The following ZMYM4 variants were observed in gnomAD, a reference collection of about 807,000 sequenced individuals.
The protein encoded by ZMYM4 is zinc finger MYM-type protein 4.
Under a neutral mutation model 183.2 loss-of-function variants are expected in ZMYM4, and 31 were observed. The ratio of observed to expected loss-of-function variants is 0.17; its 90% CI spans 0.13 to 0.23. The LOEUF (loss-of-function observed/expected upper bound fraction) is 0.23. Among genes scored for constraint, ZMYM4 ranks in the 10% least tolerant of loss-of-function variants. ZMYM4 has a pLI of 1.00. For missense variants in ZMYM4, 1,273 were observed against 1,840.3 expected, an observed-to-expected ratio of 0.69 and a Z score of 5.64; for synonymous variants, 592 against 631.2, an observed-to-expected ratio of 0.94 and a Z score of 0.93.
intron 1 of ZMYM4, among the ~76,000 whole-genome samples, chr1:35,269,551 C>G (rs971718134): frequency 6.6e-6 from 1 of 152,020 alleles, no homozygotes; most frequent in Non-Finnish European, 1.5e-5. Context: ...GCCTCCTTTC[C>G]CCTCCCCCCA....
At chr1:35,301,768 T>C (rs936789405) in intron 1 of ZMYM4, among the ~76,000 whole-genome samples, 15 of 152,282 alleles carry the variant, frequency 9.9e-5, no homozygotes, top group Admixed American at 2.6e-4. Context: ...CTCTCTCCTT[T>C]TTAGTATTCT....
intron 26 of ZMYM4, among the ~76,000 whole-genome samples, chr1:35,409,297 G>A (rs1318272467): frequency 6.6e-6 from 1 of 152,164 alleles, no homozygotes; most frequent in Non-Finnish European, 1.5e-5. Context: ...TATATGCTTA[G>A]GAGTGGAATT....
intron 1 of ZMYM4, among the ~76,000 whole-genome samples, chr1:35,280,227 CCTTT>C (rs1640083860): frequency 6.8e-6 from 1 of 147,396 alleles, no homozygotes; most frequent in South Asian, 2.2e-4. Context: ...TCTTCCTTTC[CCTTT>C]CTCTTTCTTT....
rs370974550 is a variant in ZMYM4 at position 35,386,163 on chromosome 1, A to G, written c.1810A>G (p.Ser604Gly). ...AGATGGAAGTATACGCAACTTCTGC[A>G]GCTACAGCTGTGTGGTAGCTTTCCA... ...MSDGSIRNFC[S>G]YSCVVAFQNL... The change falls in exon 11 of 30, where the codon AGC (serine) becomes GGC (glycine). Residue 604 changes from serine to glycine, a missense_variant. Transcript: ENST00000314607. 2.9e-5 allele frequency: 47 copies of G among 1,613,730 alleles called. No individual in the cohort carries two copies. Among genetic ancestry groups the G allele is most frequent in the Non-Finnish European group, 3.7e-5 (44 of 1,179,874 alleles).
intron 1 of ZMYM4, among the ~76,000 whole-genome samples, chr1:35,318,749 T>C (rs990538957): frequency 6.6e-6 from 1 of 152,100 alleles, no homozygotes; most frequent in African/African-American, 2.4e-5. Flanking sequence ...TGTACCACTG[T>C]GCCCAGCCAT....
rs1022377314 is a variant in ZMYM4, at chr1:35,392,272, C to G, written c.2648C>G (p.Thr883Ser). ...AGPPSLRKDS[T>S]PVIANVVSLA... ...CCCCCATCTCTGAGAAAAGATTCGA[C>G]TCCAGTTATAGCCAATGTAGTATCA... is the stretch of plus-strand genomic sequence containing the variant. Residue 883 changes from threonine to serine, a missense_variant, in exon 16 of 30, where the codon ACT becomes AGT. This residue lies in a region of ZMYM4 where 290 missense variants were observed against 353.3 expected (regional missense o/e 0.82). Coordinates refer to ENST00000314607, the MANE Select transcript of ZMYM4 (RefSeq NM_005095.3). The G allele has an allele frequency of 8.1e-6, 13 of 1,614,054 alleles. No homozygotes were observed. Among genetic ancestry groups the G allele is most frequent in the Non-Finnish European group, 1.0e-5 (12 of 1,180,040 alleles).
intron 2 of ZMYM4, among the ~76,000 whole-genome samples, chr1:35,354,727 T>TAAAA (rs57493035): frequency 0.018 from 1,497 of 83,970 alleles, 81 homozygotes; most frequent in African/African-American, 0.069. Flanking sequence ...ACTTTGTCTT[T>TAAAA]AAAAAAAAAA....
At position 35,296,843 on chromosome 1, in the gene ZMYM4, CTT is replaced by C. The variant is rs780202714; in HGVS notation, c.39+27779_39+27780del. Among the ~76,000 whole-genome samples, 176 of 95,596 alleles carry C rather than the reference CTT, an allele frequency of 1.8e-3. 1 individual carries two copies. The highest frequency in any genetic ancestry group is 4.2e-3 in the African/African-American group (83 of 19,544). 62.7% of individuals were successfully genotyped at this position (95,596 alleles called of 152,430 possible). A position where few individuals can be genotyped will look rare whatever the true frequency, so the allele number is the denominator to read the frequency against. On this transcript the variant is annotated intron_variant, in intron 1 of 29. Coordinates refer to ENST00000314607, the MANE Select transcript of ZMYM4 (RefSeq NM_005095.3). ...ACCTTTTCTTTTTCTTTCTTTCTTT[CTT>C]TTTTTTTTTTTTTTTTTTTTGAGAT...
At chr1:35,271,902 G>A (rs1163264796) in intron 1 of ZMYM4, among the ~76,000 whole-genome samples, 1 of 152,154 alleles carries the variant, frequency 6.6e-6, no homozygotes, top group African/African-American at 2.4e-5. Flanking sequence ...GTTGGAGGTT[G>A]CAGTGAGCTA....
intron 2 of ZMYM4, among the ~76,000 whole-genome samples, chr1:35,336,942 G>A (rs1191982935): frequency 6.6e-6 from 1 of 152,146 alleles, no homozygotes; most frequent in Admixed American, 6.5e-5. Flanking sequence ...TTTTATAAAT[G>A]GTAGTTTTCA....
chr1:35,412,030 C>T (rs1251848638), intron 26 of ZMYM4, among the ~76,000 whole-genome samples: 2 of 151,998 alleles, frequency 1.3e-5, no homozygotes, highest in Non-Finnish European at 2.9e-5. Context: ...ACTACAGGCG[C>T]CCGCCACCGC....
chr1:35,337,274 A>G (rs1297512713), intron 2 of ZMYM4, among the ~76,000 whole-genome samples: 1 of 152,158 alleles, frequency 6.6e-6, no homozygotes, highest in South Asian at 2.1e-4. Context: ...AGGCAGGGGA[A>G]TCGCTTGAAC....
intron 1 of ZMYM4, among the ~76,000 whole-genome samples, chr1:35,270,919 T>C (rs946824053): frequency 1.3e-5 from 2 of 152,218 alleles, no homozygotes; most frequent in African/African-American, 2.4e-5. Flanking sequence ...CATTGATAAG[T>C]TTACGAAATG....
chr1:35,344,022 T>C (rs1643300872), intron 2 of ZMYM4, among the ~76,000 whole-genome samples: 1 of 151,848 alleles, frequency 6.6e-6, no homozygotes, highest in South Asian at 2.1e-4. Context: ...ACCTTAAGTA[T>C]ATATAGTCTT....
Position 35,419,531 on chromosome 1 carries a change from C to A in ZMYM4, c.4501C>A (p.Pro1501Thr). ...FYLQPERSCV[P>T]NSPMWYSTFP... ...CCTTCAACCTGAGCGCTCCTGTGTC[C>A]CGAATAGCCCCATGTGGTACTCCAC... The change falls in exon 30 of 30, where the codon CCG (proline) becomes ACG (threonine). Residue 1501 changes from proline to threonine, a missense_variant. By Grantham distance (38) the Pro-to-Thr change is conservative. Around this residue, in one of 6 missense-constraint regions of ZMYM4, gnomAD observed 145 missense variants for 331.6 expected, o/e 0.44. Coordinates refer to ENST00000314607, the MANE Select transcript of ZMYM4 (RefSeq NM_005095.3). 1 of 1,613,924 alleles carries A rather than the reference C, an allele frequency of 6.2e-7. No homozygotes were observed. The highest frequency in any genetic ancestry group is 8.5e-7 in the Non-Finnish European group (1 of 1,179,982).
chr1:35,388,842 AG>A (rs1413045186), intron 13 of ZMYM4, 67 bp from the exon 14 acceptor site: 5 of 1,363,214 alleles, frequency 3.7e-6, no homozygotes, highest in Non-Finnish European at 4.1e-6. Flanking sequence ...GGCCTGTCCT[AG>A]GCCATTTAAA....
chr1:35,291,634 CTT>C (rs1296107892), intron 1 of ZMYM4, among the ~76,000 whole-genome samples: 2,171 of 129,252 alleles, frequency 0.017, 37 homozygotes, highest in African/African-American at 0.057. Context: ...GTGATTGTTA[CTT>C]TTTTTTTTTT....
chr1:35,401,294 G>A (rs1644904170), intron 23 of ZMYM4, among the ~76,000 whole-genome samples: 1 of 152,012 alleles, frequency 6.6e-6, no homozygotes, highest in Non-Finnish European at 1.5e-5. Context: ...GCTAACACTT[G>A]GTATTGTTGA....
chr1:35,314,027 G>A (rs899459224), intron 1 of ZMYM4, among the ~76,000 whole-genome samples: 24 of 152,088 alleles, frequency 1.6e-4, no homozygotes, highest in Non-Finnish European at 3.2e-4. Context: ...AAGAGAAGCA[G>A]TCCAAGGTTT....
Sources: allele counts gnomAD v4.1 joint callset (sites outside exome capture counted in the v4.1 genomes callset), GRCh38; gene constraint gnomAD v4.1.1; regional missense constraint gnomAD v4.1.1; transcripts MANE v1.5; gene names NCBI Gene and HGNC (gene_info 2026-07-23, HGNC 2026-07-21).